PHF14: variants seen among roughly 807,000 people sequenced by gnomAD.
PHF14 encodes the protein PHD finger protein 14.
In PHF14, 55 loss-of-function variants were observed where a neutral mutation model predicts 117.9. The ratio of observed to expected loss-of-function variants is 0.47; its 90% CI spans 0.38 to 0.58. The LOEUF (loss-of-function observed/expected upper bound fraction) is 0.58. Among genes scored for constraint, PHF14 ranks in the 20% least tolerant of loss-of-function variants. The pLI, the probability that PHF14 is intolerant of heterozygous loss-of-function variation, is 0.00. For synonymous variants in PHF14, 409 were observed against 368.6 expected (o/e 1.11, Z -1.26); for missense variants, 978 against 1,122.2 (o/e 0.87, Z 1.84).
intron 17 of PHF14, among the ~76,000 whole-genome samples, chr7:11,118,077 A>G (rs973844622): frequency 1.3e-5 from 2 of 151,820 alleles, no homozygotes; most frequent in African/African-American, 2.4e-5. Flanking sequence ...AATGTGCTTC[A>G]TGGAGCTTTA....
chr7:11,010,450 GTTCT>G (rs1389056876), intron 4 of PHF14, among the ~76,000 whole-genome samples: 5 of 151,480 alleles, frequency 3.3e-5, no homozygotes, highest in Non-Finnish European at 4.4e-5. Context: ...TTTTAAATCT[GTTCT>G]TTGACATTTT....
intron 16 of PHF14, among the ~76,000 whole-genome samples, chr7:11,089,747 A>C (rs891589598): frequency 1.1e-4 from 17 of 147,838 alleles, no homozygotes; most frequent in African/African-American, 4.2e-4. Context: ...TTAGTGTAGA[A>C]TTGTTCATGC....
intron 16 of PHF14, among the ~76,000 whole-genome samples, chr7:11,088,508 T>G (rs1385780540): frequency 6.6e-6 from 1 of 152,196 alleles, no homozygotes; most frequent in African/African-American, 2.4e-5. Flanking sequence ...GTATTTTTGT[T>G]TTCATCCATT....
intron 16 of PHF14, among the ~76,000 whole-genome samples, chr7:11,073,890 AC>A (rs1163817374): frequency 6.6e-6 from 1 of 152,156 alleles, no homozygotes; most frequent in Admixed American, 6.5e-5. Context: ...AGCTAGCTGT[AC>A]CTGGTGATGT....
chr7:11,002,795 A>G (rs1318161818), intron 4 of PHF14, among the ~76,000 whole-genome samples: 2 of 152,098 alleles, frequency 1.3e-5, no homozygotes, highest in Non-Finnish European at 2.9e-5. Flanking sequence ...AAACACAGGA[A>G]AGAAGAGGCA....
intron 16 of PHF14, among the ~76,000 whole-genome samples, chr7:11,091,809 T>C (rs1786650711): frequency 6.6e-6 from 1 of 152,104 alleles, no homozygotes; most frequent in South Asian, 2.1e-4. Flanking sequence ...GGAAATAAAT[T>C]TGATAACTGT....
At chr7:11,160,099 A>G (rs959035650) in intron 17 of PHF14, among the ~76,000 whole-genome samples, 1 of 151,982 alleles carries the variant, frequency 6.6e-6, no homozygotes, top group African/African-American at 2.4e-5. Flanking sequence ...TCCAGTGTCT[A>G]TTATTGCCAT....
In PHF14 at chr7:11,159,670, A is replaced by G. The variant is rs1407568428; in HGVS notation, c.2773-9746A>G. ...CACTACAGCTTTGCAAGATGTTACC[A>G]TTGAGGGAAACAGAGTAAAAGGTAC... On this transcript the variant is annotated intron_variant, in intron 17 of 17. Transcript: ENST00000634607. Among the ~76,000 whole-genome samples the G allele has an allele frequency of 9.2e-5, 14 of 152,244 alleles. 1 individual carries two copies. The South Asian group carries it at 1.7e-3, about 18-fold the overall frequency.
intron 16 of PHF14, among the ~76,000 whole-genome samples, chr7:11,101,791 C>T (rs1409405780): frequency 6.6e-6 from 1 of 151,750 alleles, no homozygotes; most frequent in Non-Finnish European, 1.5e-5. Context: ...GGCATTTTTA[C>T]CTCATCTTCA....
intron 14 of PHF14, 34 bp downstream of exon 14, chr7:11,051,814 C>T: frequency 1.3e-6 from 2 of 1,583,720 alleles, no homozygotes; most frequent in East Asian, 2.2e-5. Flanking sequence ...AAGCATCATA[C>T]AATTCTGAGG....
In PHF14 at chr7:10,982,761, A is replaced by G. The variant is rs1782085941; in HGVS notation, c.502A>G (p.Thr168Ala). 6.2e-7 allele frequency: 1 copy of G among 1,613,910 alleles called. No homozygotes were observed. The highest frequency in any genetic ancestry group is 1.6e-4 in the Middle Eastern group (1 of 6,062). ...TGTTAACACATCCCCTTCTGTTCCC[A>G]CTACGACAACCGCTACAGAGGAACA... ...PAVNTSPSVPTTTTATEEQVS... is the reference protein window; with the variant it reads ...PAVNTSPSVPATTTATEEQVS... The change falls in exon 3 of 18, where the codon ACT becomes GCT. Residue 168 changes from threonine (T) to alanine (A), a missense_variant. Physicochemically the swap from Thr to Ala is moderately conservative, Grantham distance 58. Around this residue, in one of 7 missense-constraint regions of PHF14, gnomAD observed 414 missense variants for 376.4 expected, o/e 1.10. Transcript: ENST00000634607.
At chr7:11,088,403 A>ACACAC (rs1562460110) in intron 16 of PHF14, among the ~76,000 whole-genome samples, 2 of 150,976 alleles carry the variant, frequency 1.3e-5, no homozygotes, top group South Asian at 2.1e-4. Context: ...CATACACACA[A>ACACAC]ACACACACAC....
chr7:11,098,598 A>T (rs1174372753), intron 16 of PHF14, among the ~76,000 whole-genome samples: 1 of 152,148 alleles, frequency 6.6e-6, no homozygotes, highest in Non-Finnish European at 1.5e-5. Context: ...TGGAAAGTGC[A>T]CCATTGTCCT....
intron 2 of PHF14, among the ~76,000 whole-genome samples, chr7:10,976,973 G>A (rs1223492043): frequency 1.3e-5 from 2 of 151,176 alleles, no homozygotes; most frequent in Non-Finnish European, 3.0e-5. Flanking sequence ...GAAAATGATT[G>A]TATTTAAAAT....
intron 4 of PHF14, among the ~76,000 whole-genome samples, chr7:10,991,377 C>T (rs1437868370): frequency 2.0e-5 from 3 of 151,944 alleles, no homozygotes; most frequent in Non-Finnish European, 4.4e-5. Flanking sequence ...GGAGTTTCAC[C>T]ATATTGGTCA....
intron 17 of PHF14, among the ~76,000 whole-genome samples, chr7:11,125,303 C>T (rs918287056): frequency 3.9e-5 from 6 of 152,116 alleles, no homozygotes; most frequent in Non-Finnish European, 7.4e-5. Context: ...ACACTCAATC[C>T]CTTTGCAAAG....
intron 12 of PHF14, among the ~76,000 whole-genome samples, chr7:11,041,968 G>A (rs1784517588): frequency 6.6e-6 from 1 of 151,596 alleles, no homozygotes; most frequent in Admixed American, 6.6e-5. Flanking sequence ...ATTTTCAGGT[G>A]ATGGTGCTTG....
intron 16 of PHF14, chr7:11,104,875 T>G (rs1787208169): frequency 1.1e-6 from 1 of 944,750 alleles, no homozygotes; most frequent in African/African-American, 1.8e-5. Context: ...ATAGGTAGTA[T>G]TTTTTTTAAA....
intron 4 of PHF14, chr7:11,006,811 C>T: frequency 3.7e-6 from 3 of 801,330 alleles, no homozygotes; most frequent in South Asian, 1.3e-5. Context: ...CCTTGAAAGC[C>T]TTCGGTTTGG....
Sources: allele counts gnomAD v4.1 joint callset (sites outside exome capture counted in the v4.1 genomes callset), GRCh38; gene constraint gnomAD v4.1.1; regional missense constraint gnomAD v4.1.1; transcripts MANE v1.5; gene names NCBI Gene and HGNC (gene_info 2026-07-23, HGNC 2026-07-21).